The following GNB5 variants were observed in gnomAD, a reference collection of about 807,000 sequenced individuals.
GNB5 encodes guanine nucleotide-binding protein subunit beta-5.
A neutral mutation model predicts 55.3 loss-of-function variants in GNB5; 37 were observed. That is an observed-to-expected ratio of 0.67 (90% CI 0.51 to 0.88). GNB5 has a LOEUF of 0.88. Among genes scored for constraint, GNB5 ranks in the 40% least tolerant of loss-of-function variants. The pLI is 0.00. For missense variants in GNB5, 476 were observed against 515.3 expected (o/e 0.92, Z 0.74); for synonymous variants, 219 against 198.5 (o/e 1.10, Z -0.87).
intron 7 of GNB5, chr15:52,137,834 C>G (rs1052503950): frequency 1.2e-5 from 16 of 1,283,612 alleles, no homozygotes; most frequent in Admixed American, 4.6e-5. Context: ...GAAGCTCTCC[C>G]TGCCTTCTGG....
At chr15:52,153,195 G>C (rs2034137388) in intron 4 of GNB5, among the ~76,000 whole-genome samples, 1 of 152,194 alleles carries the variant, frequency 6.6e-6, no homozygotes, top group Non-Finnish European at 1.5e-5. Flanking sequence ...GCCCCTTCTT[G>C]TGGATCACTC....
chr15:52,164,632 T>C (rs1317648834), intron 3 of GNB5, among the ~76,000 whole-genome samples: 1 of 151,330 alleles, frequency 6.6e-6, no homozygotes, highest in Non-Finnish European at 1.5e-5. Flanking sequence ...CATCTCAAAA[T>C]AAATAAATAA....
At chr15:52,156,390 G>A (rs966870029) in intron 3 of GNB5, among the ~76,000 whole-genome samples, 1 of 152,180 alleles carries the variant, frequency 6.6e-6, no homozygotes, top group African/African-American at 2.4e-5. Context: ...AAAGAGCAAA[G>A]TTGCACATGG....
rs1334679943 is a variant in GNB5, at chr15:52,120,312, C to T, written c.*2445G>A. ...TCCCATGGAGCTTACCCCTGAGTCT[C>T]CACATGCTGTCACATAGTCCAAATC... On this transcript the variant is annotated 3_prime_UTR_variant, in exon 13 of 13. Transcript: ENST00000261837. The T allele has an allele frequency of 3.9e-5, 6 of 152,298 alleles. No homozygotes were observed. The highest frequency in any genetic ancestry group is 1.4e-4 in the African/African-American group (6 of 41,462). 9.4% of individuals were successfully genotyped at this position (152,298 alleles called of 1,614,324 possible).
In GNB5 at chr15:52,169,430, C is replaced by T. The variant is rs188635406; in HGVS notation, c.238+10338G>A. 5.3e-3 allele frequency among the ~76,000 whole-genome samples: 776 copies of T among 145,916 alleles called. 6 individuals carry two copies. Among genetic ancestry groups the T allele is most frequent in the African/African-American group, 0.019 (757 of 39,600 alleles). ...GTGGGCACCTGTAATCCCAGCTATT[C>T]AGAAGGCTGAGGCAGGAGAAGAGCC... On this transcript the variant is annotated intron_variant, in intron 3 of 12. Transcript: ENST00000261837.
At chr15:52,155,602 T>A (rs114978469) in intron 3 of GNB5, among the ~76,000 whole-genome samples, 1 of 152,220 alleles carries the variant, frequency 6.6e-6, no homozygotes. Flanking sequence ...TCCACGATCA[T>A]AGATTGCATT....
chr15:52,176,526 G>A (rs1215085914), intron 3 of GNB5, among the ~76,000 whole-genome samples: 4 of 152,096 alleles, frequency 2.6e-5, no homozygotes, highest in Admixed American at 2.6e-4. Flanking sequence ...GAAGGAGCTG[G>A]GCGAGTCTGG....
chr15:52,187,017 A>G (rs567621017), intron 1 of GNB5, among the ~76,000 whole-genome samples: 3 of 152,326 alleles, frequency 2.0e-5, no homozygotes, highest in Admixed American at 1.3e-4. Flanking sequence ...CAGCTGAGGA[A>G]AAGCAGGGGG....
chr15:52,122,380 A>C lies in GNB5; in HGVS notation c.*377T>G, dbSNP rs550826410. 5.1e-6 allele frequency: 1 copy of C among 196,436 alleles called. No individual in the cohort carries two copies. Among genetic ancestry groups the C allele is most frequent in the East Asian group, 1.3e-4 (1 of 7,662 alleles). The allele number at this position is 196,436 out of a possible 1,614,324, so 12.2% of individuals were successfully genotyped here. Reference sequence around the variant, plus strand: ...CACAGTGCACATCGAGAAATATCAGACTTTAAAGTGCTCTGAAAATGAATT... The same window carrying C: ...CACAGTGCACATCGAGAAATATCAGCCTTTAAAGTGCTCTGAAAATGAATT... On this transcript the variant is annotated 3_prime_UTR_variant, in exon 13 of 13. Coordinates refer to ENST00000261837, the MANE Select transcript of GNB5 (RefSeq NM_016194.4).
chr15:52,168,197 G>C (rs1178894965), intron 3 of GNB5, among the ~76,000 whole-genome samples: 4 of 152,208 alleles, frequency 2.6e-5, no homozygotes, highest in African/African-American at 4.8e-5. Context: ...AATAGGAAGA[G>C]AGAAGTCAAA....
At chr15:52,151,224 G>A (rs1055910550) in intron 4 of GNB5, among the ~76,000 whole-genome samples, 7 of 152,116 alleles carry the variant, frequency 4.6e-5, no homozygotes, top group Admixed American at 1.3e-4. Flanking sequence ...CACCTGTATC[G>A]TGGGGTCCTC....
intron 11 of GNB5, 26 bp from the exon 12 acceptor site, chr15:52,124,665 G>A: frequency 6.3e-7 from 1 of 1,599,890 alleles, no homozygotes; most frequent in Non-Finnish European, 8.6e-7. Flanking sequence ...GATGATAGCT[G>A]TTAAGCCAGT....
chr15:52,182,359 G>T (rs1299981321), intron 2 of GNB5, among the ~76,000 whole-genome samples: 1 of 152,182 alleles, frequency 6.6e-6, no homozygotes, highest in East Asian at 1.9e-4. Flanking sequence ...ACCGTTGCAG[G>T]ATGTGTGTGT....
rs1344578324 is a variant in GNB5, at chr15:52,179,965, G to A, written c.127-86C>T. The A allele has an allele frequency of 8.7e-6, 12 of 1,386,122 alleles. No homozygotes were observed. The South Asian group carries it at 1.8e-4, about 20-fold the overall frequency. The allele number at this position is 1,386,122 out of a possible 1,614,324, so 85.9% of individuals were successfully genotyped here. ...GGCGCCGCTCCAGCAGCCGTCCCCGGCCCCGAGCACCGCCCCGCGGCCCCG... is the reference window on the plus strand; with the variant it reads ...GGCGCCGCTCCAGCAGCCGTCCCCGACCCCGAGCACCGCCCCGCGGCCCCG... On this transcript the variant is annotated intron_variant, in intron 2 of 12. Coordinates refer to ENST00000261837, the MANE Select transcript of GNB5 (RefSeq NM_016194.4).
Position 52,154,067 on chromosome 15 carries a change from A to C in GNB5, c.248T>G (p.Val83Gly). Reference protein sequence around the residue: ...AKLHDVELHQVAERVEALGQF... With the variant: ...AKLHDVELHQGAERVEALGQF... ...CCCCAGGGCCTCCACCCGCTCCGCC[A>C]CCTGGTGCACTGGAATGACAAGGCC... Residue 83 changes from valine (V) to glycine (G), a missense_variant, in exon 4 of 13, where the codon GTG becomes GGG. By Grantham distance (109) the Val-to-Gly change is moderately radical (BLOSUM62 -3). Transcript: ENST00000261837. 6.2e-7 allele frequency: 1 copy of C among 1,613,870 alleles called. No individual in the cohort carries two copies.
In GNB5 at chr15:52,162,934, C is replaced by T. The variant is rs936563461; in HGVS notation, c.239-8858G>A. On this transcript the variant is annotated intron_variant, in intron 3 of 12. Coordinates refer to ENST00000261837, the MANE Select transcript of GNB5 (RefSeq NM_016194.4). ...AGAAGCAGCTGCAATCCGCAGCGCT[C>T]GTGGAGAACGGAATGGCGAGTGAAT... 4.6e-5 allele frequency: 7 copies of T among 152,158 alleles called. No homozygotes were observed. The East Asian group carries it at 7.7e-4, about 17-fold the overall frequency. 9.4% of individuals were successfully genotyped at this position (152,158 alleles called of 1,614,324 possible). A position where few individuals can be genotyped will look rare whatever the true frequency, so the allele number is the denominator to read the frequency against.
chr15:52,145,007 T>C (rs2033939934), intron 6 of GNB5, among the ~76,000 whole-genome samples: 3 of 152,190 alleles, frequency 2.0e-5, no homozygotes, highest in Non-Finnish European at 4.4e-5. Flanking sequence ...AGCACTTTCA[T>C]GAGTTTGGCG....
At chr15:52,156,744 TAAA>T (rs1256395658) in intron 3 of GNB5, among the ~76,000 whole-genome samples, 16 of 152,104 alleles carry the variant, frequency 1.1e-4, no homozygotes, top group Non-Finnish European at 1.5e-5. Flanking sequence ...AGATCTTGTC[TAAA>T]AATACAAACA....
At chr15:52,148,293 A>G (rs1566940032) in intron 5 of GNB5, among the ~76,000 whole-genome samples, 1 of 152,170 alleles carries the variant, frequency 6.6e-6, no homozygotes, top group Non-Finnish European at 1.5e-5. Context: ...GTCCACTATG[A>G]GCCCTAAACC....
Sources: allele counts gnomAD v4.1 joint callset (sites outside exome capture counted in the v4.1 genomes callset), GRCh38; gene constraint gnomAD v4.1.1; transcripts MANE v1.5; gene names NCBI Gene and HGNC (gene_info 2026-07-23, HGNC 2026-07-21).